TLE6: variants seen among roughly 807,000 people sequenced by gnomAD.
The protein encoded by TLE6 is transducin-like enhancer protein 6.
Under a neutral mutation model 77.1 loss-of-function variants are expected in TLE6, and 72 were observed. The ratio of observed to expected loss-of-function variants is 0.93; its 90% confidence interval spans 0.77 to 1.14. The LOEUF (loss-of-function observed/expected upper bound fraction) is 1.14. TLE6 is among the 50% of genes most tolerant of loss of function. The pLI, the probability that TLE6 is intolerant of heterozygous loss-of-function variation, is 0.00. For synonymous variants in TLE6, 366 were observed against 287.3 expected (o/e 1.27, Z -2.77); for missense variants, 843 against 747.6 (o/e 1.13, Z -1.49).
intron 2 of TLE6, among the ~76,000 whole-genome samples, chr19:2,979,642 T>C (rs895530316): frequency 2.6e-5 from 4 of 151,998 alleles, no homozygotes; most frequent in Non-Finnish European, 5.9e-5. Context: ...GAAGATGCTC[T>C]TTACTGAAAT....
chr19:2,987,737 A>G lies in TLE6; in HGVS notation c.572A>G (p.Lys191Arg). ...TCCATTTTCCAGGGGCAGGAAAGCA[A>G]GGCACCAGGATCCTGTGACCCAGGA... ...QQAPGLGQES[K>R]APGSCDPGTD... Residue 191 changes from lysine to arginine, a missense_variant, in exon 9 of 17, where the codon AAG becomes AGG. Physicochemically the swap from Lys to Arg is conservative, Grantham distance 26 (BLOSUM62 2). Transcript: ENST00000246112. 6.2e-7 allele frequency: 1 copy of G among 1,614,142 alleles called. No individual in the cohort carries two copies. The highest frequency in any genetic ancestry group is 8.5e-7 in the Non-Finnish European group (1 of 1,180,016).
chr19:2,982,556 AAG>A (rs1466838147), intron 5 of TLE6, among the ~76,000 whole-genome samples: 1 of 150,270 alleles, frequency 6.7e-6, no homozygotes, highest in East Asian at 2.0e-4. Context: ...AAAAAAAAAA[AAG>A]GAGGTGGGGG....
intron 4 of TLE6, 21 bp downstream of exon 4, chr19:2,981,604 C>T: frequency 1.9e-6 from 3 of 1,551,424 alleles, no homozygotes; most frequent in Non-Finnish European, 2.6e-6. Flanking sequence ...CCCAGGCAGC[C>T]CCAACCAAGG....
rs2088717848 is a variant in TLE6 at position 2,978,201 on chromosome 19, C to G, written c.-33C>G. 1.3e-6 allele frequency: 2 copies of G among 1,549,624 alleles called. No individual in the cohort carries two copies. Among genetic ancestry groups the G allele is most frequent in the South Asian group, 2.4e-5 (2 of 84,026 alleles). On this transcript the variant is annotated 5_prime_UTR_variant, in exon 2 of 17. Transcript: ENST00000246112. ...TGCCGTCTCCTTGTTGTTTTAGACT[C>G]TGGCTAAAGTCTTGGAGGCTACTGC... is the stretch of plus-strand genomic sequence containing the variant.
Position 2,978,185 on chromosome 19 carries a change from C to T in TLE6, c.-36-13C>T. ...TCTGTCCCTCAAGACCTGCCGTCTC[C>T]TTGTTGTTTTAGACTCTGGCTAAAG... On this transcript the variant is annotated splice_polypyrimidine_tract_variant and intron_variant, in intron 1 of 16. Transcript: ENST00000246112. The T allele has an allele frequency of 1.3e-6, 2 of 1,544,436 alleles. No homozygotes were observed. The highest frequency in any genetic ancestry group is 1.4e-5 in the African/African-American group (1 of 73,020).
rs754492473 is a variant in TLE6 at position 2,995,053 on chromosome 19, C to G, written c.*49C>G. On this transcript the variant is annotated 3_prime_UTR_variant, in exon 17 of 17. Transcript: ENST00000246112. ...CTCCGGCTCCTCTTTTCATCCCCCCCCTTCCCCCCCCCCAACAAGGGGGAC... is the reference window on the plus strand; with the variant it reads ...CTCCGGCTCCTCTTTTCATCCCCCCGCTTCCCCCCCCCCAACAAGGGGGAC... 20 of 1,096,448 alleles carry G rather than the reference C, an allele frequency of 1.8e-5. No individual in the cohort carries two copies. In the South Asian group the frequency reaches 2.1e-4, roughly 11 times the overall value. The allele number at this position is 1,096,448 out of a possible 1,614,324, so 67.9% of individuals were successfully genotyped here.
In TLE6 at chr19:2,993,943, G is replaced by A. The variant is rs113412900; in HGVS notation, c.1538-76G>A. ...CTCAAAAAAAAAAAAAAAAAAAAAA[G>A]GTGGGTGGGGAGGATGAACTCTGGG... is the stretch of plus-strand genomic sequence containing the variant. On this transcript the variant is annotated intron_variant, in intron 15 of 16. Transcript: ENST00000246112. 17,597 of 895,876 alleles carry A rather than the reference G, an allele frequency of 0.02. 1,705 individuals are homozygous for A. The African/African-American group carries it at 0.27, about 14-fold the overall frequency. 55.5% of individuals were successfully genotyped at this position (895,876 alleles called of 1,614,324 possible). A position where few individuals can be genotyped will look rare whatever the true frequency, so the allele number is the denominator to read the frequency against.
rs1173859195 is a variant in TLE6 at position 2,993,027 on chromosome 19, A to T, written c.1387-405A>T. On this transcript the variant is annotated intron_variant, in intron 14 of 16. Transcript: ENST00000246112. ...AACATGGTGAAACCCCGTCTCTACT[A>T]AAAAAAAAAAAAAAAAAAAAAAAAA... Among the ~76,000 whole-genome samples, 7 of 46,636 alleles carry T rather than the reference A, an allele frequency of 1.5e-4. No individual in the cohort carries two copies. The East Asian group carries it at 2.4e-3, about 16-fold the overall frequency. The allele number at this position is 46,636 out of a possible 152,430, so 30.6% of individuals were successfully genotyped here.
At chr19:2,991,425 C>T (rs188089314) in intron 13 of TLE6, among the ~76,000 whole-genome samples, 3,832 of 135,190 alleles carry the variant, frequency 0.028, 72 homozygotes, top group Middle Eastern at 0.051. Flanking sequence ...CACACACACA[C>T]ATATATATAA....
Position 2,987,730 on chromosome 19 carries a change from G to A in TLE6, c.565G>A (p.Glu189Lys). Reference sequence around the variant, plus strand: ...AGACTTTTCCATTTTCCAGGGGCAGGAAAGCAAGGCACCAGGATCCTGTGA... The same window carrying A: ...AGACTTTTCCATTTTCCAGGGGCAGAAAAGCAAGGCACCAGGATCCTGTGA... Reference protein sequence around the residue: ...DRQQAPGLGQESKAPGSCDPG... With the variant: ...DRQQAPGLGQKSKAPGSCDPG... The change falls in exon 9 of 17, where the codon GAA (glutamate) becomes AAA (lysine). Residue 189 changes from glutamate (E) to lysine (K), a missense_variant. Glu to Lys is a moderately conservative substitution (Grantham distance 56). Transcript: ENST00000246112. The A allele has an allele frequency of 2.5e-6, 4 of 1,614,118 alleles. No individual in the cohort carries two copies. The highest frequency in any genetic ancestry group is 3.4e-6 in the Non-Finnish European group (4 of 1,180,014).
chr19:2,987,326 CCCT>C, intron 7 of TLE6, 27 bp from the exon 8 acceptor site: 11 of 1,614,160 alleles, frequency 6.8e-6, no homozygotes, highest in Non-Finnish European at 9.3e-6. Flanking sequence ...CTCTCTGTCC[CCCT>C]CCTCCTCTCC....
At position 2,994,102 on chromosome 19, in the gene TLE6, C is replaced by T. The variant is rs769400166; in HGVS notation, c.1614+7C>T. On this transcript the variant is annotated splice_region_variant and intron_variant, in intron 16 of 16. Coordinates refer to ENST00000246112, the MANE Select transcript of TLE6 (RefSeq NM_001143986.2). ...GGGGACAAAAGTGTTCGAGGTACTG[C>T]GGTGGGCTGGGGGCAGGACCCGGGG... 5.7e-5 allele frequency: 86 copies of T among 1,510,268 alleles called. No homozygotes were observed. Among genetic ancestry groups the T allele is most frequent in the Admixed American group, 1.1e-4 (5 of 45,334 alleles). 93.6% of individuals were successfully genotyped at this position (1,510,268 alleles called of 1,614,324 possible). A position where few individuals can be genotyped will look rare whatever the true frequency, so the allele number is the denominator to read the frequency against.
In TLE6 at chr19:2,978,284, G is replaced by A; in HGVS notation, c.51G>A (p.Ser17=). 5 of 1,551,360 alleles carry A rather than the reference G, an allele frequency of 3.2e-6. No homozygotes were observed. Among genetic ancestry groups the A allele is most frequent in the East Asian group, 2.4e-5 (1 of 40,918 alleles). The change falls in exon 2 of 17, where the codon TCG becomes TCA. Residue 17 remains serine, a splice_region_variant and synonymous_variant. Coordinates refer to ENST00000246112, the MANE Select transcript of TLE6 (RefSeq NM_001143986.2). ...CCAAGGGCCCCCCGAAAAGCACTTC[G>A]GTGAGGAGGGCATGTGGTGGGATCA... is the stretch of plus-strand genomic sequence containing the variant. ...PRPKGPPKST[S]PCPGISNSES...
chr19:2,993,627 G>GC (rs2145074057), intron 15 of TLE6, 45 bp downstream of exon 15: 1 of 1,521,852 alleles, frequency 6.6e-7, no homozygotes, highest in South Asian at 1.3e-5. Flanking sequence ...GCAGCCCCCA[G>GC]CCTCCCACAA....
intron 14 of TLE6, 26 bp from the exon 15 acceptor site, chr19:2,993,406 C>G: frequency 6.3e-7 from 1 of 1,580,226 alleles, no homozygotes; most frequent in Non-Finnish European, 8.6e-7. Context: ...AACCAGGTTC[C>G]TCCCTCCCCA....
At chr19:2,978,074 C>T (rs940372278) in intron 1 of TLE6, 124 bp from the exon 2 acceptor site, 96 of 675,452 alleles carry the variant, frequency 1.4e-4, no homozygotes, top group Non-Finnish European at 2.1e-4. Context: ...ATGGGAGAAC[C>T]GCAGGATTGG....
chr19:2,978,886 C>T (rs966112444), intron 2 of TLE6, among the ~76,000 whole-genome samples: 1 of 152,168 alleles, frequency 6.6e-6, no homozygotes, highest in African/African-American at 2.4e-5. Context: ...TAAATTTAGG[C>T]TCTCAGGGCT....
chr19:2,992,443 G>T (rs1161407056), intron 14 of TLE6, among the ~76,000 whole-genome samples: 1 of 152,012 alleles, frequency 6.6e-6, no homozygotes, highest in South Asian at 2.1e-4. Context: ...TTGCACTCCA[G>T]GCTGCGCAAT....
At position 2,994,061 on chromosome 19, in the gene TLE6, T is replaced by A; in HGVS notation, c.1580T>A (p.Val527Asp). The A allele has an allele frequency of 6.2e-7, 1 of 1,608,720 alleles. No homozygotes were observed. ...GTTGGAATGGACGACTTCCTTGGCG[T>A]CTACAGCATGCCGGCGGGGACAAAA... ...ASVGMDDFLGVYSMPAGTKVF... is the reference protein window; with the variant it reads ...ASVGMDDFLGDYSMPAGTKVF... Residue 527 changes from valine to aspartate, a missense_variant, in exon 16 of 17, where the codon GTC (valine) becomes GAC (aspartate). Physicochemically the swap from Val to Asp is radical, Grantham distance 152 (BLOSUM62 -3). Transcript: ENST00000246112.
Sources: allele counts gnomAD v4.1 joint callset (sites outside exome capture counted in the v4.1 genomes callset), GRCh38; gene constraint gnomAD v4.1.1; transcripts MANE v1.5; gene names NCBI Gene and HGNC (gene_info 2026-07-23, HGNC 2026-07-21).